Variants in SCD5 observed in about 807,000 individuals in gnomAD.
The protein encoded by SCD5 is stearoyl-CoA desaturase 5.
SCD5 carries 20 observed loss-of-function variants against 30.4 expected under a neutral mutation model. The observed-to-expected ratio is 0.66, with a 90% CI of 0.46 to 0.96. The LOEUF is 0.96. Ranked by LOEUF, SCD5 falls within the 40% of genes least tolerant of loss-of-function variation. SCD5 has a pLI of 0.00. For missense variants in SCD5, 381 were observed against 443.3 expected (o/e 0.86, Z 1.26); for synonymous variants, 173 against 176.4 (o/e 0.98, Z 0.16).
chr4:82,702,940 GAA>G (rs1482604897), intron 2 of SCD5, among the ~76,000 whole-genome samples: 1 of 152,138 alleles, frequency 6.6e-6, no homozygotes, highest in Non-Finnish European at 1.5e-5. Flanking sequence ...GCATGTTATG[GAA>G]ACTGGCCCTA....
rs368768650 is a variant in SCD5, at chr4:82,794,406, T to G, written c.232+3900A>C. On this transcript the variant is annotated intron_variant, in intron 1 of 4. Transcript: ENST00000319540. ...ATTTAGGGAAAAAACAGAAAAGGCC[T>G]TGATGTTTCTGGGAGCCAACAGCCA... 7.9e-5 allele frequency among the ~76,000 whole-genome samples: 12 copies of G among 152,248 alleles called. No individual in the cohort carries two copies. In the South Asian group the frequency reaches 2.3e-3, roughly 29 times the overall value.
intron 2 of SCD5, among the ~76,000 whole-genome samples, chr4:82,686,801 T>C (rs1728716272): frequency 4.1e-5 from 3 of 73,340 alleles, no homozygotes; most frequent in Admixed American, 1.7e-4. Context: ...ACTAGTGTTG[T>C]ATTAAAAACT....
intron 1 of SCD5, among the ~76,000 whole-genome samples, chr4:82,721,397 C>T (rs777245776): frequency 6.6e-6 from 1 of 152,128 alleles, no homozygotes; most frequent in Non-Finnish European, 1.5e-5. Flanking sequence ...CTAAAGACCC[C>T]AATAAATAAC....
chr4:82,774,420 A>G (rs1721696903), intron 1 of SCD5, among the ~76,000 whole-genome samples: 1 of 152,266 alleles, frequency 6.6e-6, no homozygotes. Context: ...CAAATTGTGC[A>G]TAGAGAAAAA....
At chr4:82,719,156 T>C (rs1485342095) in intron 1 of SCD5, among the ~76,000 whole-genome samples, 3 of 151,890 alleles carry the variant, frequency 2.0e-5, no homozygotes, top group Non-Finnish European at 4.4e-5. Context: ...TGGCTTCTCC[T>C]GAAACATGGA....
At position 82,752,793 on chromosome 4, in the gene SCD5, C is replaced by T. The variant is rs80244940; in HGVS notation, c.232+45513G>A. On this transcript the variant is annotated intron_variant, in intron 1 of 4. Transcript: ENST00000319540. Reference sequence around the variant, plus strand: ...CACAGCTACATCTGTTTCCCTTTTTCCCCCTAAATAAACTTACTCCAGTGT... The same window carrying T: ...CACAGCTACATCTGTTTCCCTTTTTTCCCCTAAATAAACTTACTCCAGTGT... 2.6e-3 allele frequency among the ~76,000 whole-genome samples: 399 copies of T among 152,212 alleles called. 1 individual carries two copies. The highest frequency in any genetic ancestry group is 9.4e-3 in the African/African-American group (390 of 41,544).
rs200360120 is a variant in SCD5, at chr4:82,631,531, C to A, written c.803-14G>T. 97 of 1,612,366 alleles carry A rather than the reference C, an allele frequency of 6.0e-5. No homozygotes were observed. In the African/African-American group the frequency reaches 1.2e-3, roughly 20 times the overall value. The stretch of plus-strand genomic sequence containing the variant: ...GGAAGCCTTCACCTGGAAGACAAAG[C>A]GGGCATTGATATAATTCAATCACCA... On this transcript the variant is annotated splice_polypyrimidine_tract_variant and intron_variant, in intron 4 of 4. Coordinates refer to ENST00000319540, the MANE Select transcript of SCD5 (RefSeq NM_001037582.3).
At chr4:82,640,343 G>C (rs1260233128) in intron 3 of SCD5, among the ~76,000 whole-genome samples, 3 of 152,166 alleles carry the variant, frequency 2.0e-5, no homozygotes, top group African/African-American at 7.2e-5. Flanking sequence ...TCCCCAACTA[G>C]AACCACTATG....
chr4:82,647,628 A>G (rs1727659203), intron 3 of SCD5, among the ~76,000 whole-genome samples: 1 of 152,184 alleles, frequency 6.6e-6, no homozygotes, highest in South Asian at 2.1e-4. Flanking sequence ...GTCCTCCTCA[A>G]GCTCTCTAGT....
intron 1 of SCD5, among the ~76,000 whole-genome samples, chr4:82,730,740 C>T (rs1382644023): frequency 2.6e-5 from 4 of 151,746 alleles, no homozygotes; most frequent in Non-Finnish European, 4.4e-5. Flanking sequence ...CACCCACCAC[C>T]ACGCCCGGCT....
intron 3 of SCD5, among the ~76,000 whole-genome samples, chr4:82,680,064 T>C (rs2148821244): frequency 6.6e-6 from 1 of 152,332 alleles, no homozygotes; most frequent in Non-Finnish European, 1.5e-5. Flanking sequence ...GGTCGCTCTC[T>C]ACTTGCCAGC....
At chr4:82,712,297 T>TATATACA (rs1560540874) in intron 1 of SCD5, among the ~76,000 whole-genome samples, 22 of 33,718 alleles carry the variant, frequency 6.5e-4, no homozygotes, top group South Asian at 1.2e-3. Flanking sequence ...TATATATATA[T>TATATACA]TTTATTTTTA....
intron 2 of SCD5, among the ~76,000 whole-genome samples, chr4:82,700,692 T>C (rs1279218982): frequency 7.0e-6 from 1 of 142,626 alleles, no homozygotes; most frequent in Non-Finnish European, 1.5e-5. Context: ...GAGGCTGAGG[T>C]GGGAGGGGCG....
intron 1 of SCD5, among the ~76,000 whole-genome samples, chr4:82,770,675 C>T (rs1327462096): frequency 6.6e-6 from 1 of 152,250 alleles, no homozygotes; most frequent in Non-Finnish European, 1.5e-5. Flanking sequence ...GGGCTCTGCA[C>T]ATGTCCCCTT....
intron 3 of SCD5, among the ~76,000 whole-genome samples, chr4:82,657,664 CA>C (rs1377608737): frequency 2.0e-5 from 3 of 152,184 alleles, no homozygotes; most frequent in African/African-American, 7.2e-5. Flanking sequence ...ATGGGGATAG[CA>C]CTGAATCTAT....
In SCD5 at chr4:82,630,259, G is replaced by C. The variant is rs1577995846; in HGVS notation, c.*1068C>G. ...TCTCTCTTGAAACAAAGACAGTAGA[G>C]CATTAACAAGCTGTAAACACAGCAA... On this transcript the variant is annotated 3_prime_UTR_variant, in exon 5 of 5. Coordinates refer to ENST00000319540, the MANE Select transcript of SCD5 (RefSeq NM_001037582.3). 1 of 152,116 alleles carries C rather than the reference G, an allele frequency of 6.6e-6. No individual in the cohort carries two copies. Among genetic ancestry groups the C allele is most frequent in the Non-Finnish European group, 1.5e-5 (1 of 68,032 alleles). The allele number at this position is 152,116 out of a possible 1,614,324, so 9.4% of individuals were successfully genotyped here. A position where few individuals can be genotyped will look rare whatever the true frequency, so the allele number is the denominator to read the frequency against.
At chr4:82,662,005 G>A (rs1404921068) in intron 3 of SCD5, among the ~76,000 whole-genome samples, 1 of 152,198 alleles carries the variant, frequency 6.6e-6, no homozygotes, top group Non-Finnish European at 1.5e-5. Context: ...GGGAAATGAA[G>A]AGACAGTGTC....
At chr4:82,667,287 C>T (rs1159719356) in intron 3 of SCD5, among the ~76,000 whole-genome samples, 4 of 142,388 alleles carry the variant, frequency 2.8e-5, no homozygotes, top group South Asian at 4.6e-4. Context: ...CACACACACA[C>T]GCACGCACGC....
chr4:82,665,027 TACACACAC>T (rs36067892), intron 3 of SCD5, among the ~76,000 whole-genome samples: 1 of 32,804 alleles, frequency 3.0e-5, no homozygotes, highest in African/African-American at 9.0e-5. Flanking sequence ...ATATGTATAA[TACACACAC>T]ACACACACAC....
Sources: allele counts gnomAD v4.1 joint callset (sites outside exome capture counted in the v4.1 genomes callset), GRCh38; gene constraint gnomAD v4.1.1; transcripts MANE v1.5; gene names NCBI Gene and HGNC (gene_info 2026-07-23, HGNC 2026-07-21).